Variants in EPS8L1 observed in about 807,000 individuals in gnomAD.
The protein encoded by EPS8L1 is EPS8 signaling adaptor L1.
EPS8L1 carries 101 observed loss-of-function variants against 91.7 expected under a neutral mutation model. The ratio of observed to expected loss-of-function variants is 1.10; its 90% CI spans 0.94 to 1.30. The LOEUF is 1.30. Among genes scored for constraint, EPS8L1 ranks in the 50% most tolerant of loss-of-function variants. The pLI is 0.00. For synonymous variants in EPS8L1, 506 were observed against 445.3 expected, an observed-to-expected ratio of 1.14 and a Z score of -1.72; for missense variants, 1,114 against 1,017.0, an observed-to-expected ratio of 1.10 and a Z score of -1.30.
rs73060903 is a variant in EPS8L1 at position 55,082,809 on chromosome 19, A to G, written c.1214+207A>G. On this transcript the variant is annotated intron_variant, in intron 12 of 19. Transcript: ENST00000201647. ...GGAATTAACGTGAAGGAAAGATTTA[A>G]GACCACCAGACCAATCGGATTGAAA... Among the ~76,000 whole-genome samples, 649 of 148,348 alleles carry G rather than the reference A, an allele frequency of 4.4e-3. 3 individuals are homozygous for G. Among genetic ancestry groups the G allele is most frequent in the Admixed American group, 8.0e-3 (120 of 14,908 alleles).
chr19:55,081,066 T>A lies in EPS8L1; in HGVS notation c.513-165T>A. 1.0e-6 allele frequency: 1 copy of A among 989,050 alleles called. No individual in the cohort carries two copies. Among genetic ancestry groups the A allele is most frequent in the Non-Finnish European group, 1.4e-6 (1 of 692,558 alleles). 61.3% of individuals were successfully genotyped at this position (989,050 alleles called of 1,614,324 possible). On this transcript the variant is annotated intron_variant, in intron 7 of 19. Transcript: ENST00000201647. The surrounding 1 kb of genome is among the most constrained non-coding windows in gnomAD (Gnocchi z 4.9). ...CCTGTCCAGGCCCTCAGTTTCACTC[T>A]AGAGAGGTGCTATCCCTCCGTATAT...
At chr19:55,085,997 G>C (rs2076348408) in intron 15 of EPS8L1, 24 bp downstream of exon 15, 1 of 1,606,976 alleles carries the variant, frequency 6.2e-7, no homozygotes, top group South Asian at 1.1e-5. Flanking sequence ...GAGGCTGAGG[G>C]GCAGGAATTA....
intron 18 of EPS8L1, 185 bp from the exon 19 acceptor site, chr19:55,087,118 A>T: frequency 9.1e-7 from 1 of 1,100,646 alleles, no homozygotes; most frequent in Non-Finnish European, 1.3e-6. Flanking sequence ...TGAAAGCAGG[A>T]TGCGGCCACG....
chr19:55,083,577 G>T lies in EPS8L1; in HGVS notation c.1357-39G>T. 1 of 1,591,942 alleles carries T rather than the reference G, an allele frequency of 6.3e-7. No individual in the cohort carries two copies. The highest frequency in any genetic ancestry group is 8.6e-7 in the Non-Finnish European group (1 of 1,169,498). On this transcript the variant is annotated intron_variant, in intron 13 of 19. Coordinates refer to ENST00000201647, the MANE Select transcript of EPS8L1 (RefSeq NM_133180.3). This position sits in a 1 kb window ranked among gnomAD's most constrained non-coding sequence, Gnocchi z 4.7. ...GGAAGTCCGGGGGCGCGGCCGGTCC[G>T]CCTGGCCCCGCCTGACCCGACTGTC...
At chr19:55,085,127 C>T (rs936570703) in intron 14 of EPS8L1, among the ~76,000 whole-genome samples, 3 of 152,154 alleles carry the variant, frequency 2.0e-5, no homozygotes, top group Non-Finnish European at 4.4e-5. Context: ...AACTAATATA[C>T]GTAACAGAAC....
Position 55,087,742 on chromosome 19 carries a change from T to A in EPS8L1, c.*128T>A. On this transcript the variant is annotated 3_prime_UTR_variant, in exon 20 of 20. Coordinates refer to ENST00000201647, the MANE Select transcript of EPS8L1 (RefSeq NM_133180.3). ...CTGCTCCGGCCCTGGTCTTCCCCCA[T>A]CCCGGTGGACAGACTTAACGATCCT... 1 of 952,344 alleles carries A rather than the reference T, an allele frequency of 1.1e-6. No homozygotes were observed. Among genetic ancestry groups the A allele is most frequent in the South Asian group, 1.5e-5 (1 of 67,378 alleles). 59.0% of individuals were successfully genotyped at this position (952,344 alleles called of 1,614,324 possible).
intron 2 of EPS8L1, 100 bp from the exon 3 acceptor site, chr19:55,077,988 C>A: frequency 1.3e-6 from 1 of 763,492 alleles, no homozygotes; most frequent in Non-Finnish European, 2.2e-6. Context: ...TCCATCGCTC[C>A]CCATTACCTT....
chr19:55,086,013 C>A, intron 15 of EPS8L1, 40 bp downstream of exon 15: 1 of 1,601,504 alleles, frequency 6.2e-7, no homozygotes, highest in Non-Finnish European at 8.5e-7. Context: ...AATTAGCCAG[C>A]CCTAGCTGCA....
rs1489387485 is a variant in EPS8L1 at position 55,086,739 on chromosome 19, C to G, written c.1803C>G (p.Val601=). ...EKEKFSQMLI[V]NEELQARLAQ... ...AGAAATTCTCCCAGATGCTCATCGT[C>G]AACGAGGAACTGCAGGCGCGCCTGG... The change falls in exon 18 of 20, where the codon GTC becomes GTG. Residue 601 remains valine (V), a synonymous_variant. Coordinates refer to ENST00000201647, the MANE Select transcript of EPS8L1 (RefSeq NM_133180.3). 3 of 1,609,954 alleles carry G rather than the reference C, an allele frequency of 1.9e-6. No homozygotes were observed. In the South Asian group the frequency reaches 3.3e-5, roughly 18 times the overall value.
In EPS8L1 at chr19:55,081,457, C is replaced by G. The variant is rs750936656; in HGVS notation, c.739C>G (p.Pro247Ala). The change falls in exon 8 of 20, where the codon CCT becomes GCT. Residue 247 changes from proline to alanine, a missense_variant. By Grantham distance (27) the Pro-to-Ala change is conservative. Coordinates refer to ENST00000201647, the MANE Select transcript of EPS8L1 (RefSeq NM_133180.3). The surrounding 1 kb of genome is among the most constrained non-coding windows in gnomAD (Gnocchi z 4.9). ...SASPDLGPRG[P>A]DLAVLQAERE... ...CTCCCCGGACCTGGGTCCCCGGGGT[C>G]CTGACCTGGCGGTTCTGCAGGCGGA... The G allele has an allele frequency of 1.8e-5, 28 of 1,599,276 alleles. No individual in the cohort carries two copies. Among genetic ancestry groups the G allele is most frequent in the Non-Finnish European group, 2.0e-5 (23 of 1,174,132 alleles).
At chr19:55,085,595 T>C (rs964792111) in intron 14 of EPS8L1, 8 of 397,548 alleles carry the variant, frequency 2.0e-5, no homozygotes, top group African/African-American at 1.6e-4. Context: ...AGCCTCATTC[T>C]CCTCTGTAAA....
At position 55,083,561 on chromosome 19, in the gene EPS8L1, G is replaced by C; in HGVS notation, c.1356+42G>C. The C allele has an allele frequency of 6.3e-7, 1 of 1,598,426 alleles. No individual in the cohort carries two copies. The highest frequency in any genetic ancestry group is 8.5e-7 in the Non-Finnish European group (1 of 1,172,620). ...AGCAGGGCCGAGGCTGGGAAGTCCGGGGGCGCGGCCGGTCCGCCTGGCCCC... is the reference window on the plus strand; with the variant it reads ...AGCAGGGCCGAGGCTGGGAAGTCCGCGGGCGCGGCCGGTCCGCCTGGCCCC... On this transcript the variant is annotated intron_variant, in intron 13 of 19. Transcript: ENST00000201647. This position sits in a 1 kb window ranked among gnomAD's most constrained non-coding sequence, Gnocchi z 4.7.
At chr19:55,080,686 C>G in intron 6 of EPS8L1, 86 bp from the exon 7 acceptor site, 1 of 1,570,808 alleles carries the variant, frequency 6.4e-7, no homozygotes, top group East Asian at 2.3e-5. Flanking sequence ...TGGGCTGGGA[C>G]TGAGCTGAAA....
chr19:55,086,637 C>CCCCCCCCCCCCCCCCAGGGCCCCCGGG, intron 17 of EPS8L1, 77 bp from the exon 18 acceptor site: 1 of 1,374,364 alleles, frequency 7.3e-7, no homozygotes, highest in Non-Finnish European at 1.0e-6. Flanking sequence ...GCTGGAGCGC[C>CCCCCCCCCCCCCCCCAGGGCCCCCGGG]CCCCCGCCCC....
chr19:55,080,352 G>A (rs2076228521), intron 6 of EPS8L1, 74 bp downstream of exon 6: 1 of 1,545,812 alleles, frequency 6.5e-7, no homozygotes, highest in Non-Finnish European at 8.7e-7. Flanking sequence ...AAATGGGTGG[G>A]GCCTCTAGGT....
chr19:55,080,381 A>T, intron 6 of EPS8L1, 103 bp downstream of exon 6: 1 of 1,555,288 alleles, frequency 6.4e-7, no homozygotes, highest in Non-Finnish European at 8.7e-7. Context: ...GCCTGGGGCT[A>T]AGGCGGGATC....
In EPS8L1 at chr19:55,086,194, T is replaced by C; in HGVS notation, c.1650+2T>C. 1 of 1,593,808 alleles carries C rather than the reference T, an allele frequency of 6.3e-7. No homozygotes were observed. The highest frequency in any genetic ancestry group is 8.5e-7 in the Non-Finnish European group (1 of 1,169,600). ...AGCCAAAGCCCTGCCCGCAGCCTGGTGAGCCAGCGCAGACGCTGGGATCTT... is the reference window on the plus strand; with the variant it reads ...AGCCAAAGCCCTGCCCGCAGCCTGGCGAGCCAGCGCAGACGCTGGGATCTT... On this transcript the variant is annotated splice_donor_variant, in intron 16 of 19. Coordinates refer to ENST00000201647, the MANE Select transcript of EPS8L1 (RefSeq NM_133180.3). LOFTEE classifies it high-confidence loss of function.
intron 6 of EPS8L1, chr19:55,080,524 G>A (rs1787069323): frequency 2.5e-6 from 4 of 1,613,492 alleles, no homozygotes; most frequent in Non-Finnish European, 3.4e-6. Context: ...AAGGATCTGG[G>A]GGAGCAGCCA....
intron 14 of EPS8L1, 62 bp from the exon 15 acceptor site, chr19:55,085,779 C>G: frequency 6.4e-7 from 1 of 1,570,794 alleles, no homozygotes; most frequent in Admixed American, 1.7e-5. Context: ...CACCAGCACC[C>G]TGCAGCCCAG....
Sources: allele counts gnomAD v4.1 joint callset (sites outside exome capture counted in the v4.1 genomes callset), GRCh38; gene constraint gnomAD v4.1.1; non-coding constraint Gnocchi (gnomAD v3.1); transcripts MANE v1.5; gene names NCBI Gene and HGNC (gene_info 2026-07-23, HGNC 2026-07-21).